The following DPP10 variants were observed in gnomAD, a reference collection of about 807,000 sequenced individuals.
DPP10 encodes inactive dipeptidyl peptidase 10.
A neutral mutation model predicts 120.9 loss-of-function variants in DPP10; 33 were observed. That is an observed-to-expected ratio of 0.27 (90% CI 0.21 to 0.37). The LOEUF (loss-of-function observed/expected upper bound fraction) is 0.37, where lower values mean the gene tolerates loss of function less well. Among genes scored for constraint, DPP10 ranks in the 10% least tolerant of loss-of-function variants. DPP10 has a pLI of 1.00. For missense variants in DPP10, 816 were observed against 942.8 expected (o/e 0.87, Z 1.76); for synonymous variants, 337 against 326.1 (o/e 1.03, Z -0.36).
chr2:114,862,831 C>A (rs575155303), intron 1 of DPP10, among the ~76,000 whole-genome samples: 1 of 147,898 alleles, frequency 6.8e-6, no homozygotes, highest in African/African-American at 2.5e-5. Context: ...ACAAATTTCT[C>A]ATTTCACTAG....
At chr2:115,201,995 G>A (rs895870826) in intron 1 of DPP10, among the ~76,000 whole-genome samples, 2 of 152,134 alleles carry the variant, frequency 1.3e-5, no homozygotes, top group Non-Finnish European at 2.9e-5. Context: ...GCATGATTCA[G>A]GGTTCTCAAT....
chr2:114,745,711 C>T (rs1339168083), intron 1 of DPP10, among the ~76,000 whole-genome samples: 1 of 152,166 alleles, frequency 6.6e-6, no homozygotes, highest in Non-Finnish European at 1.5e-5. Context: ...AGACAAGTGT[C>T]TACAGAAACT....
rs1239551883 is a variant in DPP10, at chr2:114,698,748, G to A, written c.60+255910G>A. Among the ~76,000 whole-genome samples the A allele has an allele frequency of 2.0e-5, 3 of 152,188 alleles. No homozygotes were observed. In the East Asian group the frequency reaches 5.8e-4, roughly 30 times the overall value. ...TCATGGTGTGAATAAATTCCAGAGA[G>A]CAAGAGCAACTGCCTGCCTGGCTTC... On this transcript the variant is annotated intron_variant, in intron 1 of 25. Coordinates refer to ENST00000410059, the MANE Select transcript of DPP10 (RefSeq NM_020868.6).
chr2:114,695,553 T>G (rs1357447431), intron 1 of DPP10, among the ~76,000 whole-genome samples: 1 of 152,010 alleles, frequency 6.6e-6, no homozygotes, highest in Non-Finnish European at 1.5e-5. Context: ...AATGTTCAAG[T>G]GTCTAGATTG....
intron 3 of DPP10, among the ~76,000 whole-genome samples, chr2:115,422,563 T>C (rs1439714536): frequency 6.6e-6 from 1 of 152,204 alleles, no homozygotes; most frequent in Non-Finnish European, 1.5e-5. Flanking sequence ...TGTTTGCCCA[T>C]GACTTTCATT....
intron 1 of DPP10, among the ~76,000 whole-genome samples, chr2:114,928,307 A>G (rs1695791411): frequency 1.3e-5 from 2 of 152,238 alleles, no homozygotes; most frequent in South Asian, 4.1e-4. Flanking sequence ...CTTTCAAAAT[A>G]CAATTATTGT....
chr2:115,461,272 C>T (rs894227331), intron 3 of DPP10, among the ~76,000 whole-genome samples: 1 of 151,638 alleles, frequency 6.6e-6, no homozygotes, highest in Non-Finnish European at 1.5e-5. Context: ...CAGAGATGTT[C>T]TATGTTTTGA....
At chr2:115,113,945 G>A (rs2049364933) in intron 1 of DPP10, among the ~76,000 whole-genome samples, 1 of 152,100 alleles carries the variant, frequency 6.6e-6, no homozygotes, top group African/African-American at 2.4e-5. Flanking sequence ...TAGAAGCTGG[G>A]GGAAAAGCAC....
intron 1 of DPP10, among the ~76,000 whole-genome samples, chr2:114,603,400 T>G (rs1692535229): frequency 6.6e-6 from 1 of 152,088 alleles, no homozygotes; most frequent in Non-Finnish European, 1.5e-5. Context: ...GGAAAATTAC[T>G]CAACTTGTCT....
chr2:115,538,272 G>A (rs1349741116), intron 5 of DPP10, among the ~76,000 whole-genome samples: 1 of 151,928 alleles, frequency 6.6e-6, no homozygotes, highest in Non-Finnish European at 1.5e-5. Context: ...GTGTAGTGAG[G>A]TTAGGTGGCT....
chr2:114,803,455 G>A (rs970636546), intron 1 of DPP10, among the ~76,000 whole-genome samples: 1 of 152,200 alleles, frequency 6.6e-6, no homozygotes, highest in Non-Finnish European at 1.5e-5. Flanking sequence ...CAGAAGAAGA[G>A]AGAAAAATGT....
chr2:114,485,949 C>T (rs750508342), intron 1 of DPP10, among the ~76,000 whole-genome samples: 2 of 152,086 alleles, frequency 1.3e-5, no homozygotes, highest in South Asian at 2.1e-4. Flanking sequence ...TACTTTGTTC[C>T]GCACTACCCA....
At chr2:115,073,115 G>T (rs1201876112) in intron 1 of DPP10, among the ~76,000 whole-genome samples, 1 of 152,158 alleles carries the variant, frequency 6.6e-6, no homozygotes, top group East Asian at 1.9e-4. Context: ...GAAATAGTAG[G>T]CATAATCTTC....
chr2:115,229,258 A>T (rs1402660547), intron 1 of DPP10, among the ~76,000 whole-genome samples: 1 of 152,016 alleles, frequency 6.6e-6, no homozygotes, highest in Non-Finnish European at 1.5e-5. Flanking sequence ...TGAGCTCCTT[A>T]TGTAATCTGG....
chr2:114,907,010 G>C (rs1395564018), intron 1 of DPP10, among the ~76,000 whole-genome samples: 1 of 151,936 alleles, frequency 6.6e-6, no homozygotes, highest in Non-Finnish European at 1.5e-5. Context: ...CCTATGATTT[G>C]TTTCAATCCA....
chr2:115,294,638 G>A (rs764409237), intron 1 of DPP10, among the ~76,000 whole-genome samples: 7 of 152,068 alleles, frequency 4.6e-5, no homozygotes, highest in Non-Finnish European at 8.8e-5. Flanking sequence ...GACTAGGACT[G>A]CATTGTTAAC....
At chr2:115,336,561 CT>C (rs2063142497) in intron 2 of DPP10, among the ~76,000 whole-genome samples, 1 of 105,450 alleles carries the variant, frequency 9.5e-6, no homozygotes, top group Non-Finnish European at 2.0e-5. Flanking sequence ...CATGTGTACT[CT>C]CTCTCTCTCT....
chr2:115,338,025 G>A (rs1164662031), intron 2 of DPP10, among the ~76,000 whole-genome samples: 2 of 151,762 alleles, frequency 1.3e-5, no homozygotes, highest in Non-Finnish European at 2.9e-5. Context: ...AAGTTCCAGG[G>A]GCAATTGGAG....
intron 3 of DPP10, among the ~76,000 whole-genome samples, chr2:115,446,723 A>C (rs1343324791): frequency 6.6e-6 from 1 of 151,926 alleles, no homozygotes; most frequent in Non-Finnish European, 1.5e-5. Context: ...ATCTTAGTGC[A>C]CCTAAAGGGA....
Sources: allele counts gnomAD v4.1 joint callset (sites outside exome capture counted in the v4.1 genomes callset), GRCh38; gene constraint gnomAD v4.1.1; transcripts MANE v1.5; gene names NCBI Gene and HGNC (gene_info 2026-07-23, HGNC 2026-07-21).